TNKS: variants seen among roughly 807,000 people sequenced by gnomAD.
TNKS encodes poly [ADP-ribose] polymerase tankyrase-1.
Under a neutral mutation model 135.8 loss-of-function variants are expected in TNKS, and 72 were observed. That is an observed-to-expected ratio of 0.53 (90% CI 0.44 to 0.64). TNKS has a LOEUF of 0.64. Ranked by LOEUF, TNKS falls within the 30% of genes least tolerant of loss-of-function variation. The pLI, the probability that TNKS is intolerant of heterozygous loss-of-function variation, is 0.00. For missense variants in TNKS, 1,769 were observed against 1,674.0 expected (o/e 1.06, Z -0.99); for synonymous variants, 849 against 649.3 (o/e 1.31, Z -4.68).
At chr8:9,757,532 T>A (rs941322433) in intron 20 of TNKS, among the ~76,000 whole-genome samples, 1 of 152,152 alleles carries the variant, frequency 6.6e-6, no homozygotes, top group African/African-American at 2.4e-5. Flanking sequence ...TTAGCTGAAT[T>A]ATGACCTTCT....
At chr8:9,612,106 C>T (rs1467725232) in intron 2 of TNKS, among the ~76,000 whole-genome samples, 2 of 151,930 alleles carry the variant, frequency 1.3e-5, no homozygotes, top group African/African-American at 4.8e-5. Flanking sequence ...CAAGTTTAGC[C>T]CCTTTATTTT....
intron 17 of TNKS, 113 bp from the exon 18 acceptor site, chr8:9,747,911 G>C (rs1806317900): frequency 9.9e-7 from 1 of 1,010,564 alleles, no homozygotes; most frequent in East Asian, 2.7e-5. Context: ...TTCTGTTAAG[G>C]ATGAAAATGG....
intron 1 of TNKS, among the ~76,000 whole-genome samples, chr8:9,566,094 A>T (rs778301037): frequency 2.6e-5 from 4 of 152,140 alleles, no homozygotes; most frequent in Admixed American, 2.6e-4. Flanking sequence ...AGTCATGTTA[A>T]TAAGATGTGC....
chr8:9,576,751 T>C (rs1181772062), intron 1 of TNKS, among the ~76,000 whole-genome samples: 2 of 152,006 alleles, frequency 1.3e-5, no homozygotes, highest in African/African-American at 2.4e-5. Context: ...CCAAACCATA[T>C]CAGCCAGAAG....
At chr8:9,775,913 T>C (rs1057405476) in intron 26 of TNKS, among the ~76,000 whole-genome samples, 1 of 151,940 alleles carries the variant, frequency 6.6e-6, no homozygotes, top group African/African-American at 2.4e-5. Flanking sequence ...CTAAGGGGTG[T>C]CCTACCTCTC....
chr8:9,598,156 C>G (rs1798864627), intron 2 of TNKS, among the ~76,000 whole-genome samples: 1 of 152,130 alleles, frequency 6.6e-6, no homozygotes, highest in African/African-American at 2.4e-5. Context: ...CGCCATTCTC[C>G]TGCCTCAGCC....
At chr8:9,662,395 C>G (rs1014499335) in intron 3 of TNKS, among the ~76,000 whole-genome samples, 1 of 152,274 alleles carries the variant, frequency 6.6e-6, no homozygotes, top group South Asian at 2.1e-4. Flanking sequence ...CACATATACA[C>G]CATGGAATAC....
Position 9,642,117 on chromosome 8 carries a change from C to T in TNKS, c.994+26440C>T, listed in dbSNP as rs528769681. On this transcript the variant is annotated intron_variant, in intron 3 of 26. Coordinates refer to ENST00000310430, the MANE Select transcript of TNKS (RefSeq NM_003747.3). ...AGCGTCTAAAGAATCTGAAAATAGC[C>T]TGGTGAAATTTTGTACCAACTGCAA... Among the ~76,000 whole-genome samples the T allele has an allele frequency of 8.2e-5, 12 of 145,652 alleles. 2 individuals carry two copies. The highest frequency in any genetic ancestry group is 1.5e-4 in the Non-Finnish European group (10 of 66,550).
At chr8:9,587,559 CG>C (rs1033237046) in intron 2 of TNKS, among the ~76,000 whole-genome samples, 8 of 152,036 alleles carry the variant, frequency 5.3e-5, no homozygotes, top group Non-Finnish European at 8.8e-5. Flanking sequence ...CCACCACGCC[CG>C]GGTAATTTTG....
chr8:9,706,925 A>C lies in TNKS; in HGVS notation c.1384A>C (p.Thr462Pro). 2 of 1,614,006 alleles carry C rather than the reference A, an allele frequency of 1.2e-6. No homozygotes were observed. The highest frequency in any genetic ancestry group is 1.7e-6 in the Non-Finnish European group (2 of 1,179,956). Residue 462 changes from threonine (T) to proline (P), a missense_variant, in exon 8 of 27, where the codon ACA becomes CCA. Thr to Pro is a conservative substitution (Grantham distance 38). Around this residue, in one of 5 missense-constraint regions of TNKS, gnomAD observed 523 missense variants for 541.0 expected, o/e 0.97. Transcript: ENST00000310430. ...GTTACTTAGCCATGGCGCTGATCCT[A>C]CATTAGTCAACTGCCATGGCAAAAG... ...SLLLSHGADPTLVNCHGKSAV... is the reference protein window; with the variant it reads ...SLLLSHGADPPLVNCHGKSAV...
At chr8:9,759,746 G>A (rs375983855) in intron 20 of TNKS, among the ~76,000 whole-genome samples, 32 of 152,012 alleles carry the variant, frequency 2.1e-4, no homozygotes, top group African/African-American at 7.2e-4. Context: ...AGGCCAAGAC[G>A]GGCAGATCAC....
At chr8:9,748,767 T>A (rs1212909003) in intron 18 of TNKS, among the ~76,000 whole-genome samples, 1 of 152,226 alleles carries the variant, frequency 6.6e-6, no homozygotes, top group African/African-American at 2.4e-5. Flanking sequence ...ACAAACTGTT[T>A]CAAAACACCC....
Position 9,751,769 on chromosome 8 carries a change from C to G in TNKS, c.2993C>G (p.Pro998Arg). ...AGCAGCATAGACAACCTCACTGGCC[C>G]TTTAGCAGAGTTGGCCGTAGGAGGA... ...AASSIDNLTG[P>R]LAELAVGGAS... is the part of the protein sequence containing the mutation. Residue 998 changes from proline to arginine, a missense_variant, in exon 19 of 27, where the codon CCT (proline) becomes CGT (arginine). Physicochemically the swap from Pro to Arg is moderately radical, Grantham distance 103 (BLOSUM62 -2). Around this residue, in one of 5 missense-constraint regions of TNKS, gnomAD observed 722 missense variants for 688.9 expected, o/e 1.05. Transcript: ENST00000310430. 6.2e-7 allele frequency: 1 copy of G among 1,614,156 alleles called. No homozygotes were observed. Among genetic ancestry groups the G allele is most frequent in the Admixed American group, 1.7e-5 (1 of 60,012 alleles).
rs1563106100 is a variant in TNKS at position 9,598,763 on chromosome 8, G to GTGTA, written c.899-16817_899-16814dup. On this transcript the variant is annotated intron_variant, in intron 2 of 26. Transcript: ENST00000310430. ...TGTGTGTATATATGTATATGTGTGT[G>GTGTA]TGTATATATATATATATATATATAT... is the stretch of plus-strand genomic sequence containing the variant. Among the ~76,000 whole-genome samples, 14 of 58,762 alleles carry GTGTA rather than the reference G, an allele frequency of 2.4e-4. No homozygotes were observed. In the East Asian group the frequency reaches 5.2e-3, roughly 22 times the overall value. The allele number at this position is 58,762 out of a possible 152,430, so 38.6% of individuals were successfully genotyped here. A position where few individuals can be genotyped will look rare whatever the true frequency, so the allele number is the denominator to read the frequency against.
chr8:9,658,085 C>T (rs1236294672), intron 3 of TNKS, among the ~76,000 whole-genome samples: 11 of 93,444 alleles, frequency 1.2e-4, no homozygotes, highest in African/African-American at 3.0e-4. Flanking sequence ...GATGTGATGG[C>T]GGCTGGGAAG....
intron 1 of TNKS, among the ~76,000 whole-genome samples, chr8:9,572,688 G>C (rs1465347451): frequency 2.0e-5 from 3 of 152,206 alleles, no homozygotes; most frequent in Admixed American, 2.0e-4. Flanking sequence ...GGGCTGCTGT[G>C]CTATATACCC....
intron 3 of TNKS, among the ~76,000 whole-genome samples, chr8:9,676,802 T>C (rs1802562332): frequency 6.6e-6 from 1 of 152,136 alleles, no homozygotes; most frequent in Non-Finnish European, 1.5e-5. Context: ...ACTTTTTGGC[T>C]TACTTTCAAA....
chr8:9,733,585 C>T lies in TNKS; in HGVS notation c.2313+141C>T, dbSNP rs145199342. The stretch of plus-strand genomic sequence containing the variant: ...TCTCATTTTCTATTTCCCAGAAGAC[C>T]GTTTATGTGATATGACACATAGCTT... On this transcript the variant is annotated intron_variant, in intron 15 of 26. Transcript: ENST00000310430. 3.9e-4 allele frequency: 267 copies of T among 689,022 alleles called. 1 individual carries two copies. In the East Asian group the frequency reaches 6.3e-3, roughly 16 times the overall value. The allele number at this position is 689,022 out of a possible 1,614,324, so 42.7% of individuals were successfully genotyped here.
chr8:9,754,275 A>G (rs756445469), intron 20 of TNKS, among the ~76,000 whole-genome samples: 11 of 152,230 alleles, frequency 7.2e-5, no homozygotes, highest in African/African-American at 7.2e-5. Flanking sequence ...GACCTAGTCA[A>G]CTTATCAGAG....
Sources: gnomAD v4.1 joint callset for allele counts (sites outside exome capture counted in the v4.1 genomes callset) on GRCh38, gnomAD v4.1.1 for gene constraint, gnomAD v4.1.1 regional missense constraint, MANE v1.5 for transcripts, NCBI Gene and HGNC (gene_info 2026-07-23, HGNC 2026-07-21) for gene names.